The following FLYWCH1 variants were observed in gnomAD, a reference collection of about 807,000 sequenced individuals.
FLYWCH1 encodes the protein FLYWCH-type zinc finger 1.
FLYWCH1 carries 75 observed loss-of-function variants against 66.4 expected under a neutral mutation model. The observed-to-expected ratio is 1.13, with a 90% CI of 0.94 to 1.37. FLYWCH1 has a LOEUF of 1.37. FLYWCH1 is among the 40% of genes most tolerant of loss of function. The pLI is 0.00. For synonymous variants in FLYWCH1, 595 were observed against 429.9 expected, an observed-to-expected ratio of 1.38 and a Z score of -4.75; for missense variants, 1,334 against 1,001.8, an observed-to-expected ratio of 1.33 and a Z score of -4.48.
intron 6 of FLYWCH1, chr16:2,936,826 T>TG (rs2071023652): frequency 1.7e-6 from 1 of 596,300 alleles, no homozygotes; most frequent in East Asian, 3.7e-5. Flanking sequence ...GGGCGGGTGC[T>TG]GGGGACGGAC....
Position 2,930,801 on chromosome 16 carries a change from G to A in FLYWCH1, c.717G>A (p.Pro239=), listed in dbSNP as rs188049330. The change falls in exon 4 of 10, where the codon CCG becomes CCA. Residue 239 remains proline, a synonymous_variant. Transcript: ENST00000253928. The stretch of plus-strand genomic sequence containing the variant: ...CTCCTGGGCTGGTGCTGAGCAAGCC[G>A]GCCCTGGAGGAGGAGGAGGCACCCC... ...EPTPGLVLSK[P]ALEEEEAPRA... The A allele has an allele frequency of 2.1e-3, 3,301 of 1,600,698 alleles. 9 individuals are homozygous for A. The highest frequency in any genetic ancestry group is 8.7e-3 in the Middle Eastern group (40 of 4,602).
In FLYWCH1 at chr16:2,927,022, C is replaced by T. The variant is rs192950315; in HGVS notation, c.-73-2591C>T. Among the ~76,000 whole-genome samples the T allele has an allele frequency of 1.5e-4, 23 of 152,298 alleles. No individual in the cohort carries two copies. In the East Asian group the frequency reaches 4.2e-3, roughly 28 times the overall value. ...CAGCCAGTAGAAAATAAAACCCAAC[C>T]GCCATTAGCTTATCAATACTGGCTG... On this transcript the variant is annotated intron_variant, in intron 2 of 9. Transcript: ENST00000253928.
intron 2 of FLYWCH1, among the ~76,000 whole-genome samples, chr16:2,920,280 C>T (rs749060135): frequency 1.3e-5 from 2 of 151,984 alleles, no homozygotes; most frequent in African/African-American, 4.8e-5. Flanking sequence ...CTTTAGGAGG[C>T]AGGTAGGTAA....
At chr16:2,939,372 C>T (rs1403411427) in intron 8 of FLYWCH1, among the ~76,000 whole-genome samples, 5 of 152,048 alleles carry the variant, frequency 3.3e-5, no homozygotes, top group African/African-American at 9.7e-5. Context: ...AGGAGAATCA[C>T]TTGAACCTGG....
chr16:2,915,020 A>G (rs1367551514), intron 2 of FLYWCH1, among the ~76,000 whole-genome samples: 1 of 150,874 alleles, frequency 6.6e-6, no homozygotes, highest in African/African-American at 2.4e-5. Flanking sequence ...ACTGTAAAAA[A>G]AAAAAGCACT....
rs2071593620 is a variant in FLYWCH1, at chr16:2,948,900, G to A, written c.*173G>A. On this transcript the variant is annotated 3_prime_UTR_variant, in exon 10 of 10. Transcript: ENST00000253928. ...CTCCCAGGAGGAATTCTTGGATGGT[G>A]TCCTCATGTCGGCGGAGAACAGTGC... 1.6e-6 allele frequency: 1 copy of A among 610,858 alleles called. No homozygotes were observed. The highest frequency in any genetic ancestry group is 2.9e-6 in the Non-Finnish European group (1 of 343,720). The allele number at this position is 610,858 out of a possible 1,614,324, so 37.8% of individuals were successfully genotyped here. A position where few individuals can be genotyped will look rare whatever the true frequency, so the allele number is the denominator to read the frequency against.
In FLYWCH1 at chr16:2,938,379, A is replaced by G. The variant is rs1399671268; in HGVS notation, c.1973A>G (p.His658Arg). The G allele has an allele frequency of 3.2e-6, 5 of 1,577,946 alleles. No homozygotes were observed. The highest frequency in any genetic ancestry group is 2.7e-5 in the African/African-American group (2 of 73,996). Residue 658 changes from histidine (H) to arginine (R), a missense_variant, in exon 8 of 10, where the codon CAT becomes CGT. By Grantham distance (29) the His-to-Arg change is conservative. Transcript: ENST00000253928. ...ATCATGGTCATGCGCAGCCACTGCC[A>G]TCAGCCTGACCTGGCAGGCCTGGAG... ...HRIMVMRSHCHQPDLAGLEAL... is the reference protein window; with the variant it reads ...HRIMVMRSHCRQPDLAGLEAL...
chr16:2,928,984 T>A (rs1197816884), intron 2 of FLYWCH1: 2 of 152,438 alleles, frequency 1.3e-5, no homozygotes, highest in African/African-American at 4.8e-5. Context: ...CAGGCTAGGA[T>A]AGGGACTGGG....
intron 2 of FLYWCH1, among the ~76,000 whole-genome samples, chr16:2,916,772 G>A (rs1223008574): frequency 3.3e-5 from 5 of 151,968 alleles, no homozygotes; most frequent in African/African-American, 1.2e-4. Context: ...TTAAAATTTG[G>A]GCAAATTCCT....
chr16:2,931,458 T>G (rs1474948064), intron 4 of FLYWCH1, among the ~76,000 whole-genome samples: 1 of 151,668 alleles, frequency 6.6e-6, no homozygotes, highest in Non-Finnish European at 1.5e-5. Context: ...ACCCCATATC[T>G]ACAAAAAATC....
chr16:2,935,099 A>G (rs1486993434), intron 6 of FLYWCH1: 2 of 152,928 alleles, frequency 1.3e-5, no homozygotes, highest in African/African-American at 2.4e-5. Flanking sequence ...ATTTTTGTAT[A>G]TTTAGCAGAG....
intron 9 of FLYWCH1, among the ~76,000 whole-genome samples, chr16:2,945,793 C>G (rs191915278): frequency 3.9e-5 from 6 of 152,072 alleles, no homozygotes; most frequent in South Asian, 2.1e-4. Flanking sequence ...ATCAGGAGAT[C>G]AAGACCATCC....
In FLYWCH1 at chr16:2,914,307, T is replaced by G. The variant is rs1430380818; in HGVS notation, c.-74+18T>G. On this transcript the variant is annotated intron_variant, in intron 2 of 9. Coordinates refer to ENST00000253928, the MANE Select transcript of FLYWCH1 (RefSeq NM_001308068.2). ...GTGTGAAGGTAATTCTGTGGCTCCA[T>G]CAGCTGCCGACAGAGCCGCCTGGTT... The G allele has an allele frequency of 1.3e-5, 2 of 152,238 alleles. No individual in the cohort carries two copies. The highest frequency in any genetic ancestry group is 2.9e-5 in the Non-Finnish European group (2 of 68,066). The allele number at this position is 152,238 out of a possible 1,614,324, so 9.4% of individuals were successfully genotyped here.
In FLYWCH1 at chr16:2,949,587, A is replaced by AC. The variant is rs1326263452; in HGVS notation, c.*864dup. On this transcript the variant is annotated 3_prime_UTR_variant, in exon 10 of 10. Transcript: ENST00000253928. ...GGGAGCAGTCCGGAGAGGCAAGATG[A>AC]CCCCACCGGGACTGCAGAGCCTCCT... is the stretch of plus-strand genomic sequence containing the variant. 6.6e-6 allele frequency: 1 copy of AC among 151,578 alleles called. No individual in the cohort carries two copies. The highest frequency in any genetic ancestry group is 1.5e-5 in the Non-Finnish European group (1 of 67,944). 9.4% of individuals were successfully genotyped at this position (151,578 alleles called of 1,614,324 possible).
intron 2 of FLYWCH1, among the ~76,000 whole-genome samples, chr16:2,925,770 C>A (rs1239475915): frequency 1.3e-5 from 2 of 152,062 alleles, no homozygotes; most frequent in Admixed American, 6.6e-5. Flanking sequence ...TGGGACTGGC[C>A]CTCCTGGTAC....
chr16:2,916,654 C>T (rs2070177839), intron 2 of FLYWCH1, among the ~76,000 whole-genome samples: 1 of 150,720 alleles, frequency 6.6e-6, no homozygotes, highest in Non-Finnish European at 1.5e-5. Flanking sequence ...CAAAACAAAA[C>T]AAAAAATAAA....
chr16:2,918,119 A>ATGTGCC (rs1348914772), intron 2 of FLYWCH1, among the ~76,000 whole-genome samples: 2 of 144,874 alleles, frequency 1.4e-5, no homozygotes, highest in Non-Finnish European at 3.0e-5. Context: ...AATTAGAGGT[A>ATGTGCC]TGTGCCACTG....
chr16:2,927,995 A>T (rs1035901529), intron 2 of FLYWCH1, among the ~76,000 whole-genome samples: 20 of 149,066 alleles, frequency 1.3e-4, no homozygotes, highest in African/African-American at 2.7e-4. Context: ...GCAGGGAAAC[A>T]TGTGAGCAAA....
chr16:2,949,496 C>G lies in FLYWCH1; in HGVS notation c.*769C>G, dbSNP rs2071614371. 1 of 152,332 alleles carries G rather than the reference C, an allele frequency of 6.6e-6. No individual in the cohort carries two copies. The highest frequency in any genetic ancestry group is 2.1e-4 in the South Asian group (1 of 4,818). The allele number at this position is 152,332 out of a possible 1,614,324, so 9.4% of individuals were successfully genotyped here. Reference sequence around the variant, plus strand: ...GGCATCCTGGGTGGCCCAGGTCCATCCTGGGCAGCAAAGGCGTGTCCCCTT... The same window carrying G: ...GGCATCCTGGGTGGCCCAGGTCCATGCTGGGCAGCAAAGGCGTGTCCCCTT... On this transcript the variant is annotated 3_prime_UTR_variant, in exon 10 of 10. Coordinates refer to ENST00000253928, the MANE Select transcript of FLYWCH1 (RefSeq NM_001308068.2).
Sources: allele counts gnomAD v4.1 joint callset (sites outside exome capture counted in the v4.1 genomes callset), GRCh38; gene constraint gnomAD v4.1.1; transcripts MANE v1.5; gene names NCBI Gene and HGNC (gene_info 2026-07-23, HGNC 2026-07-21).